ZNF592: variants seen among roughly 807,000 people sequenced by gnomAD.
ZNF592 encodes the protein zinc finger protein 592.
Under a neutral mutation model 80.3 loss-of-function variants are expected in ZNF592, and 11 were observed. The ratio of observed to expected loss-of-function variants is 0.14; its 90% CI spans 0.09 to 0.23. ZNF592 has a LOEUF of 0.23. Among genes scored for constraint, ZNF592 ranks in the 10% least tolerant of loss-of-function variants. The probability of loss-of-function intolerance (pLI) is 1.00; values close to 1 mark genes in which losing one functional copy is unlikely to be tolerated. For synonymous variants in ZNF592, 646 were observed against 640.3 expected (o/e 1.01, Z -0.13); for missense variants, 1,420 against 1,633.9 (o/e 0.87, Z 2.26).
chr15:84,788,222 TAATG>T (rs1409091586), intron 4 of ZNF592, among the ~76,000 whole-genome samples: 2 of 152,240 alleles, frequency 1.3e-5, no homozygotes, highest in East Asian at 3.8e-4. Context: ...GATGCTGAAT[TAATG>T]AGAGTGAATT....
chr15:84,776,966 C>T (rs548783029), intron 2 of ZNF592, among the ~76,000 whole-genome samples: 1 of 151,960 alleles, frequency 6.6e-6, no homozygotes, highest in African/African-American at 2.4e-5. Flanking sequence ...TTGGAAGAGT[C>T]GCTTGAACCT....
intron 5 of ZNF592, among the ~76,000 whole-genome samples, chr15:84,793,820 A>G (rs1468925493): frequency 6.6e-6 from 1 of 152,232 alleles, no homozygotes; most frequent in Non-Finnish European, 1.5e-5. Flanking sequence ...GTTGTAGCAT[A>G]TATCAGTATT....
At chr15:84,759,877 G>A (rs914066231) in intron 1 of ZNF592, among the ~76,000 whole-genome samples, 1 of 151,858 alleles carries the variant, frequency 6.6e-6, no homozygotes, top group South Asian at 2.1e-4. Context: ...AGGGTACAGC[G>A]TGGGCTAGCC....
intron 2 of ZNF592, among the ~76,000 whole-genome samples, chr15:84,777,750 A>T (rs1206480333): frequency 8.3e-6 from 1 of 120,380 alleles, no homozygotes; most frequent in Non-Finnish European, 1.6e-5. Flanking sequence ...CCCAGGCTGG[A>T]GTGCGGTGGC....
chr15:84,781,174 G>A (rs897310559), intron 3 of ZNF592, among the ~76,000 whole-genome samples: 8 of 151,984 alleles, frequency 5.3e-5, no homozygotes, highest in Non-Finnish European at 1.2e-4. Context: ...TCAGCCTCCG[G>A]AGTAGCTGGG....
chr15:84,777,922 A>G (rs950938060), intron 2 of ZNF592, among the ~76,000 whole-genome samples: 1 of 151,716 alleles, frequency 6.6e-6, no homozygotes, highest in Non-Finnish European at 1.5e-5. Flanking sequence ...GGAGTCTCCA[A>G]CTCGTGACCT....
intron 1 of ZNF592, among the ~76,000 whole-genome samples, chr15:84,752,207 A>G (rs1054076793): frequency 6.6e-6 from 1 of 152,164 alleles, no homozygotes; most frequent in Non-Finnish European, 1.5e-5. Context: ...TAATAACTTA[A>G]TGCCATGTTC....
At chr15:84,753,372 T>C (rs916774283) in intron 1 of ZNF592, 10 of 152,086 alleles carry the variant, frequency 6.6e-5, no homozygotes, top group Non-Finnish European at 1.3e-4. Flanking sequence ...GAAACACTGA[T>C]TTAGGATCTT....
At chr15:84,763,355 G>T (rs754174560) in intron 1 of ZNF592, among the ~76,000 whole-genome samples, 1 of 152,208 alleles carries the variant, frequency 6.6e-6, no homozygotes, top group African/African-American at 2.4e-5. Context: ...GCATGATTGC[G>T]CATGTGAGAG....
intron 10 of ZNF592, 117 bp downstream of exon 10, chr15:84,800,094 A>C: frequency 6.7e-7 from 1 of 1,483,286 alleles, no homozygotes; most frequent in Non-Finnish European, 9.4e-7. Flanking sequence ...GCTTCCCTCA[A>C]TGTGGGTCAC....
At chr15:84,769,349 G>A (rs1899631573) in intron 2 of ZNF592, among the ~76,000 whole-genome samples, 1 of 152,040 alleles carries the variant, frequency 6.6e-6, no homozygotes, top group South Asian at 2.1e-4. Context: ...GGTGATAAGT[G>A]CTGGGAAGAA....
intron 5 of ZNF592, among the ~76,000 whole-genome samples, chr15:84,793,103 G>T (rs1404105597): frequency 6.6e-6 from 1 of 151,218 alleles, no homozygotes; most frequent in East Asian, 1.9e-4. Context: ...TAAAGATGGA[G>T]TCTCGCTGTG....
Position 84,804,485 on chromosome 15 carries a change from G to A in ZNF592, c.*2092G>A, listed in dbSNP as rs1963189807. The A allele has an allele frequency of 6.6e-6, 1 of 152,190 alleles. No individual in the cohort carries two copies. Among genetic ancestry groups the A allele is most frequent in the African/African-American group, 2.4e-5 (1 of 41,446 alleles). The allele number at this position is 152,190 out of a possible 1,614,324, so 9.4% of individuals were successfully genotyped here. On this transcript the variant is annotated 3_prime_UTR_variant, in exon 11 of 11. Transcript: ENST00000560079. ...AGAACGTGAGTTGGAAAAATGCTGA[G>A]CCAGTCCCTGGAAAACCTGGGTCCT...
rs777684595 is a variant in ZNF592 at position 84,783,833 on chromosome 15, A to G, written c.1158A>G (p.Glu386=). 1 of 1,614,098 alleles carries G rather than the reference A, an allele frequency of 6.2e-7. No homozygotes were observed. Among genetic ancestry groups the G allele is most frequent in the African/African-American group, 1.3e-5 (1 of 74,950 alleles). ...AAACCATTAAGACATCATCAGGGGA[A>G]ATCAAACGGACTGTCACAAGGATCC... ...RIKTIKTSSG[E]IKRTVTRILP... The change falls in exon 4 of 11, where the codon GAA becomes GAG. Residue 386 remains glutamate, a synonymous_variant. Transcript: ENST00000560079. This position sits in a 1 kb window ranked among gnomAD's most constrained non-coding sequence, Gnocchi z 5.0.
At chr15:84,790,377 G>A (rs772138509) in intron 4 of ZNF592, among the ~76,000 whole-genome samples, 18 of 152,144 alleles carry the variant, frequency 1.2e-4, no homozygotes, top group African/African-American at 1.4e-4. Context: ...TAGAATTCAA[G>A]ATGTGCTTTA....
chr15:84,786,571 C>T (rs1962590238), intron 4 of ZNF592, among the ~76,000 whole-genome samples: 1 of 152,042 alleles, frequency 6.6e-6, no homozygotes. Flanking sequence ...AGGACTCAGC[C>T]CCCCAAAGGG....
At chr15:84,785,997 C>T (rs1240171238) in intron 4 of ZNF592, among the ~76,000 whole-genome samples, 1 of 152,174 alleles carries the variant, frequency 6.6e-6, no homozygotes, top group East Asian at 1.9e-4. Context: ...GCCAGACCCA[C>T]CCCTCATGGT....
At chr15:84,778,796 C>T (rs1332515990) in intron 3 of ZNF592, among the ~76,000 whole-genome samples, 1 of 152,184 alleles carries the variant, frequency 6.6e-6, no homozygotes, top group East Asian at 1.9e-4. Context: ...AGGGCTCTTC[C>T]TGGGGTTGAT....
rs1315055219 is a variant in ZNF592 at position 84,784,350 on chromosome 15, C to T, written c.1675C>T (p.Leu559Phe). 1 of 1,614,228 alleles carries T rather than the reference C, an allele frequency of 6.2e-7. No individual in the cohort carries two copies. The highest frequency in any genetic ancestry group is 8.5e-7 in the Non-Finnish European group (1 of 1,180,042). Residue 559 changes from leucine to phenylalanine, a missense_variant, in exon 4 of 11, where the codon CTT becomes TTT. By Grantham distance (22) the Leu-to-Phe change is conservative (BLOSUM62 0). This residue lies in a region of ZNF592 where 524 missense variants were observed against 628.3 expected (regional missense o/e 0.83). Transcript: ENST00000560079. This position sits in a 1 kb window ranked among gnomAD's most constrained non-coding sequence, Gnocchi z 5.8. ...PLIVEVFNKV[L>F]HSSNPVPLYA... Reference sequence around the variant, plus strand: ...GATTGTAGAGGTCTTCAACAAGGTCCTTCACAGCTCCAACCCCGTGCCCCT... The same window carrying T: ...GATTGTAGAGGTCTTCAACAAGGTCTTTCACAGCTCCAACCCCGTGCCCCT...
Sources: gnomAD v4.1 joint callset for allele counts (sites outside exome capture counted in the v4.1 genomes callset) on GRCh38, gnomAD v4.1.1 for gene constraint, gnomAD v4.1.1 regional missense constraint, Gnocchi (gnomAD v3.1) non-coding constraint, MANE v1.5 for transcripts, NCBI Gene and HGNC (gene_info 2026-07-23, HGNC 2026-07-21) for gene names.